IL1RAPL2: variants seen among roughly 807,000 people sequenced by gnomAD.
IL1RAPL2 encodes the protein interleukin 1 receptor accessory protein like 2, also known as X-linked interleukin-1 receptor accessory protein-like 2.
A neutral mutation model predicts 44.1 loss-of-function variants in IL1RAPL2; 3 were observed. That is an observed-to-expected ratio of 0.07 (90% confidence interval 0.03 to 0.18). IL1RAPL2 has a LOEUF of 0.18. IL1RAPL2 is among the 10% of genes least tolerant of loss of function. The pLI, the probability that IL1RAPL2 is intolerant of heterozygous loss-of-function variation, is 1.00. For synonymous variants in IL1RAPL2, 181 were observed against 178.8 expected, an observed-to-expected ratio of 1.01 and a Z score of -0.10; for missense variants, 391 against 496.4, an observed-to-expected ratio of 0.79 and a Z score of 2.02.
chrX:104,967,504 A>G (rs181858700), intron 2 of IL1RAPL2, among the ~76,000 whole-genome samples: 88 of 94,429 alleles, frequency 9.3e-4, no homozygotes, highest in African/African-American at 3.3e-3. Flanking sequence ...TAGCAAAAGA[A>G]CAAAATAAAC....
At chrX:105,300,409 T>G in intron 5 of IL1RAPL2, among the ~76,000 whole-genome samples, 1 of 110,084 alleles carries the variant, frequency 9.1e-6, no homozygotes, top group Non-Finnish European at 1.9e-5. Flanking sequence ...AATAGCCAGA[T>G]CTTGCAAAAA....
chrX:105,083,004 C>G (rs1281277581), intron 2 of IL1RAPL2, among the ~76,000 whole-genome samples: 1 of 111,123 alleles, frequency 9.0e-6, no homozygotes, highest in Non-Finnish European at 1.9e-5. Flanking sequence ...TGAACTCCTC[C>G]AAGCTAAAGG....
At chrX:104,627,812 T>G (rs886510221) in intron 1 of IL1RAPL2, among the ~76,000 whole-genome samples, 3 of 111,104 alleles carry the variant, frequency 2.7e-5, no homozygotes, top group Non-Finnish European at 3.8e-5. Flanking sequence ...GACTCTGGGT[T>G]GAACGTGACC....
At chrX:104,645,522 G>A (rs1020614428) in intron 1 of IL1RAPL2, among the ~76,000 whole-genome samples, 5 of 111,596 alleles carry the variant, frequency 4.5e-5, no homozygotes, top group Non-Finnish European at 9.4e-5. Context: ...CTTTCCTATC[G>A]CACTCTAGGT....
chrX:105,139,978 G>C (rs2033111966), intron 2 of IL1RAPL2, among the ~76,000 whole-genome samples: 1 of 112,006 alleles, frequency 8.9e-6, no homozygotes, highest in Admixed American at 9.5e-5. Context: ...GTGTGGTAGA[G>C]CTGCCTACTT....
intron 1 of IL1RAPL2, among the ~76,000 whole-genome samples, chrX:104,576,646 A>G (rs1343345642): frequency 1.8e-5 from 2 of 111,943 alleles, no homozygotes; most frequent in African/African-American, 3.2e-5. Flanking sequence ...AAAATGTACA[A>G]TTATTTCCCA....
At chrX:104,856,547 A>G (rs916408908) in intron 2 of IL1RAPL2, among the ~76,000 whole-genome samples, 4 of 112,161 alleles carry the variant, frequency 3.6e-5, no homozygotes, top group African/African-American at 1.3e-4. Flanking sequence ...AAATGCCATT[A>G]AAGGTCTACA....
intron 5 of IL1RAPL2, among the ~76,000 whole-genome samples, chrX:105,339,390 C>A (rs1363753119): frequency 1.8e-5 from 2 of 111,471 alleles, no homozygotes; most frequent in African/African-American, 6.5e-5. Context: ...ATTCTCTCAG[C>A]AGATATATTT....
chrX:104,817,775 AAG>A (rs2147621831), intron 2 of IL1RAPL2, among the ~76,000 whole-genome samples: 1 of 112,091 alleles, frequency 8.9e-6, no homozygotes, highest in South Asian at 3.8e-4. Context: ...ATAAAATAAT[AAG>A]CACAGTGTCT....
At chrX:105,158,201 CA>C (rs1397526465) in intron 2 of IL1RAPL2, among the ~76,000 whole-genome samples, 1 of 49,664 alleles carries the variant, frequency 2.0e-5, no homozygotes, top group South Asian at 1.7e-3. Flanking sequence ...ACTAAAAATA[CA>C]AAAAAATTAC....
At chrX:105,704,428 G>T (rs960688377) in intron 6 of IL1RAPL2, among the ~76,000 whole-genome samples, 2 of 111,375 alleles carry the variant, frequency 1.8e-5, no homozygotes, top group Non-Finnish European at 3.8e-5. Flanking sequence ...TGCCAGTGGA[G>T]CCTTAACAAG....
At chrX:104,865,689 A>T (rs1003290988) in intron 2 of IL1RAPL2, among the ~76,000 whole-genome samples, 1 of 112,428 alleles carries the variant, frequency 8.9e-6, no homozygotes, top group East Asian at 2.8e-4. Flanking sequence ...AGTGTTCCGC[A>T]CTTCATCTTT....
intron 5 of IL1RAPL2, among the ~76,000 whole-genome samples, chrX:105,457,343 T>C (rs2036063286): frequency 9.0e-6 from 1 of 111,231 alleles, no homozygotes. Flanking sequence ...CACTGCTATC[T>C]ATACCACAAA....
At chrX:105,623,034 T>G (rs1396526406) in intron 6 of IL1RAPL2, among the ~76,000 whole-genome samples, 1 of 111,367 alleles carries the variant, frequency 9.0e-6, no homozygotes, top group Non-Finnish European at 1.9e-5. Context: ...GGGAAGTTAT[T>G]TCAACCTCAT....
intron 5 of IL1RAPL2, among the ~76,000 whole-genome samples, chrX:105,412,795 C>T (rs2035706631): frequency 9.0e-6 from 1 of 111,456 alleles, no homozygotes; most frequent in Admixed American, 9.5e-5. Context: ...TTGATTTGTA[C>T]TCCATAAGTA....
intron 5 of IL1RAPL2, among the ~76,000 whole-genome samples, chrX:105,331,065 A>T (rs922550620): frequency 8.9e-6 from 1 of 111,746 alleles, no homozygotes; most frequent in Non-Finnish European, 1.9e-5. Flanking sequence ...GCCTGGTACA[A>T]TGTAAGTGAT....
At chrX:105,670,188 A>G (rs2037810912) in intron 6 of IL1RAPL2, among the ~76,000 whole-genome samples, 1 of 70,656 alleles carries the variant, frequency 1.4e-5, no homozygotes, top group Non-Finnish European at 2.6e-5. Flanking sequence ...AAAGCTATAT[A>G]ATAAATCTTG....
intron 5 of IL1RAPL2, among the ~76,000 whole-genome samples, chrX:105,372,696 T>C (rs907528537): frequency 3.6e-5 from 4 of 111,446 alleles, no homozygotes; most frequent in African/African-American, 1.3e-4. Context: ...GTATTCTCAT[T>C]ATTTAGCTCC....
chrX:104,876,594 T>C (rs1922904369), intron 2 of IL1RAPL2, among the ~76,000 whole-genome samples: 1 of 108,638 alleles, frequency 9.2e-6, no homozygotes, highest in African/African-American at 3.3e-5. Context: ...TTATTGTTCC[T>C]AGTGGAGGTA....
Sources: allele counts gnomAD v4.1 joint callset (sites outside exome capture counted in the v4.1 genomes callset), GRCh38; gene constraint gnomAD v4.1.1; transcripts MANE v1.5; gene names NCBI Gene and HGNC (gene_info 2026-07-23, HGNC 2026-07-21).